FNDC3B: variants seen among roughly 807,000 people sequenced by gnomAD.
FNDC3B encodes fibronectin type III domain-containing protein 3B.
Under a neutral mutation model 151.5 loss-of-function variants are expected in FNDC3B, and 12 were observed. The observed-to-expected ratio is 0.08, with a 90% CI of 0.05 to 0.13. FNDC3B has a LOEUF of 0.13. FNDC3B is among the 10% of genes least tolerant of loss of function. FNDC3B has a pLI of 1.00. For synonymous variants in FNDC3B, 528 were observed against 549.0 expected, an observed-to-expected ratio of 0.96 and a Z score of 0.54; for missense variants, 1,214 against 1,505.3, an observed-to-expected ratio of 0.81 and a Z score of 3.20.
intron 2 of FNDC3B, among the ~76,000 whole-genome samples, chr3:172,123,819 A>G (rs1019971452): frequency 2.0e-5 from 3 of 152,242 alleles, no homozygotes; most frequent in Non-Finnish European, 4.4e-5. Flanking sequence ...AAATATTAAT[A>G]AGAATTACAA....
At chr3:172,239,056 T>TA (rs1727324706) in intron 4 of FNDC3B, among the ~76,000 whole-genome samples, 1 of 90,656 alleles carries the variant, frequency 1.1e-5, no homozygotes, top group African/African-American at 9.6e-5. Context: ...TTAATTTATT[T>TA]TTTTTTTTTT....
At chr3:172,279,228 G>GGGGGC (rs1729581365) in intron 6 of FNDC3B, among the ~76,000 whole-genome samples, 1 of 91,064 alleles carries the variant, frequency 1.1e-5, no homozygotes, top group African/African-American at 7.6e-5. Context: ...AGTGGGGGGC[G>GGGGGC]GGGGGCGGGG....
chr3:172,090,293 C>G (rs1718750213), intron 1 of FNDC3B, among the ~76,000 whole-genome samples: 1 of 152,128 alleles, frequency 6.6e-6, no homozygotes, highest in Non-Finnish European at 1.5e-5. Context: ...TCCTTAATCC[C>G]ATGACCTTGA....
intron 1 of FNDC3B, among the ~76,000 whole-genome samples, chr3:172,053,627 C>T (rs565459566): frequency 3.9e-4 from 60 of 152,118 alleles, no homozygotes; most frequent in Non-Finnish European, 6.9e-4. Context: ...CAAAAATTAG[C>T]CAGGCGTGGT....
intron 2 of FNDC3B, among the ~76,000 whole-genome samples, chr3:172,117,856 G>A (rs1720341857): frequency 6.6e-6 from 1 of 152,186 alleles, no homozygotes; most frequent in Non-Finnish European, 1.5e-5. Context: ...ATTGCTGAGT[G>A]TTTTTAATGC....
intron 6 of FNDC3B, among the ~76,000 whole-genome samples, chr3:172,281,293 T>G (rs1340386863): frequency 1.3e-5 from 2 of 151,764 alleles, no homozygotes; most frequent in Non-Finnish European, 2.9e-5. Context: ...TTGCCCAGGC[T>G]GGAGTGCAGT....
intron 6 of FNDC3B, among the ~76,000 whole-genome samples, chr3:172,274,241 G>A (rs575166211): frequency 6.6e-6 from 1 of 152,278 alleles, no homozygotes; most frequent in African/African-American, 2.4e-5. Flanking sequence ...TCTTACAGAA[G>A]CAGTAGTATA....
chr3:172,226,498 G>C (rs1293738316), intron 3 of FNDC3B, among the ~76,000 whole-genome samples: 3 of 152,014 alleles, frequency 2.0e-5, no homozygotes, highest in Admixed American at 6.5e-5. Flanking sequence ...TAATTGATTT[G>C]TTTAAATATT....
chr3:172,396,016 C>T (rs1736257993), intron 25 of FNDC3B, among the ~76,000 whole-genome samples: 1 of 152,222 alleles, frequency 6.6e-6, no homozygotes, highest in South Asian at 2.1e-4. Context: ...CAGAACTACT[C>T]TGTGACCCAG....
intron 14 of FNDC3B, among the ~76,000 whole-genome samples, 161 bp downstream of exon 14, chr3:172,333,336 T>G (rs113684459): frequency 0.013 from 1,986 of 152,236 alleles, 51 homozygotes; most frequent in African/African-American, 0.045. Flanking sequence ...CTTTATTTAT[T>G]TATTTGAGAT....
intron 23 of FNDC3B, among the ~76,000 whole-genome samples, chr3:172,366,815 C>A (rs515062): frequency 0.43 from 64,654 of 152,038 alleles, 15,729 homozygotes; most frequent in Non-Finnish European, 0.57. Flanking sequence ...AACCTCATGC[C>A]TGGGGAGCAT....
At chr3:172,132,568 G>A (rs546849530) in intron 2 of FNDC3B, among the ~76,000 whole-genome samples, 89 of 152,160 alleles carry the variant, frequency 5.8e-4, no homozygotes, top group African/African-American at 2.1e-3. Flanking sequence ...ACCACGCCTG[G>A]TTAATTTTTG....
chr3:172,241,552 A>C (rs889725817), intron 4 of FNDC3B, among the ~76,000 whole-genome samples: 3 of 148,796 alleles, frequency 2.0e-5, no homozygotes, highest in Non-Finnish European at 3.0e-5. Flanking sequence ...CACATCTTAC[A>C]TGGATGGCAG....
At chr3:172,313,847 CAGA>C (rs1731645672) in intron 11 of FNDC3B, among the ~76,000 whole-genome samples, 1 of 152,216 alleles carries the variant, frequency 6.6e-6, no homozygotes, top group African/African-American at 2.4e-5. Flanking sequence ...CCTGTCATTT[CAGA>C]AGTGAAGTTT....
At chr3:172,311,049 G>A (rs1295471007) in intron 11 of FNDC3B, 168 bp downstream of exon 11, 3 of 599,794 alleles carry the variant, frequency 5.0e-6, no homozygotes, top group South Asian at 1.9e-5. Flanking sequence ...AAGTTAGATT[G>A]AAGTAGTATT....
intron 3 of FNDC3B, among the ~76,000 whole-genome samples, chr3:172,140,585 A>T (rs973087231): frequency 6.6e-6 from 1 of 152,252 alleles, no homozygotes; most frequent in African/African-American, 2.4e-5. Context: ...CTGGAAGTTT[A>T]CCAGCAGGTG....
chr3:172,049,591 G>C (rs565936693), intron 1 of FNDC3B, among the ~76,000 whole-genome samples: 1 of 152,024 alleles, frequency 6.6e-6, no homozygotes, highest in Non-Finnish European at 1.5e-5. Flanking sequence ...GCAATGGCGC[G>C]ATCTCGGCTC....
chr3:172,127,086 C>T (rs532336046), intron 2 of FNDC3B: 5 of 456,472 alleles, frequency 1.1e-5, no homozygotes, highest in Admixed American at 7.1e-5. Context: ...TAGATTTTAT[C>T]GAGAGCATGA....
At position 172,328,937 on chromosome 3, in the gene FNDC3B, A is replaced by G. The variant is rs774405991; in HGVS notation, c.1255-15A>G. 8.9e-6 allele frequency: 14 copies of G among 1,572,156 alleles called. No homozygotes were observed. Among genetic ancestry groups the G allele is most frequent in the Non-Finnish European group, 1.1e-5 (13 of 1,155,288 alleles). On this transcript the variant is annotated splice_polypyrimidine_tract_variant and intron_variant, in intron 11 of 25. Transcript: ENST00000415807. The stretch of plus-strand genomic sequence containing the variant: ...TTTTTTTAAGTATATGCATTGTTTC[A>G]TTGTTTACTTTTAGGGAAAAAGAAA...
Sources: allele counts gnomAD v4.1 joint callset (sites outside exome capture counted in the v4.1 genomes callset), GRCh38; gene constraint gnomAD v4.1.1; transcripts MANE v1.5; gene names NCBI Gene and HGNC (gene_info 2026-07-23, HGNC 2026-07-21).